TXNDC16: variants seen among roughly 807,000 people sequenced by gnomAD.
The protein encoded by TXNDC16 is thioredoxin domain containing 16, also known as thioredoxin domain-containing protein 16.
Under a neutral mutation model 85.6 loss-of-function variants are expected in TXNDC16, and 74 were observed. That is an observed-to-expected ratio of 0.86 (90% CI 0.72 to 1.05). TXNDC16 has a LOEUF of 1.05. TXNDC16 is among the 50% of genes least tolerant of loss of function. TXNDC16 has a pLI of 0.00. For synonymous variants in TXNDC16, 335 were observed against 326.5 expected (o/e 1.03, Z -0.28); for missense variants, 959 against 947.0 (o/e 1.01, Z -0.17).
chr14:52,490,689 G>T, intron 10 of TXNDC16, 150 bp downstream of exon 10: 1 of 889,754 alleles, frequency 1.1e-6, no homozygotes, highest in Non-Finnish European at 1.7e-6. Flanking sequence ...TTAAATGAAT[G>T]TACAGATTTT....
intron 9 of TXNDC16, among the ~76,000 whole-genome samples, chr14:52,496,462 G>C (rs1481059720): frequency 6.7e-6 from 1 of 148,294 alleles, no homozygotes; most frequent in Non-Finnish European, 1.5e-5. Flanking sequence ...CAGCTGAGTA[G>C]ATTTCTTAGC....
chr14:52,503,891 G>A (rs142280580), intron 9 of TXNDC16, among the ~76,000 whole-genome samples: 2 of 152,166 alleles, frequency 1.3e-5, no homozygotes, highest in African/African-American at 4.8e-5. Context: ...GGACTTGATG[G>A]AGCTGAAAAC....
chr14:52,488,378 C>T lies in TXNDC16; in HGVS notation c.1093G>A (p.Glu365Lys). The T allele has an allele frequency of 1.2e-6, 2 of 1,613,506 alleles. No individual in the cohort carries two copies. The highest frequency in any genetic ancestry group is 1.7e-6 in the Non-Finnish European group (2 of 1,179,700). The change falls in exon 12 of 21, where the codon GAA becomes AAA. Residue 365 changes from glutamate (E) to lysine (K), a missense_variant. Transcript: ENST00000281741. ...EIQEDEDNDM[E>K]GPDIDVQDDE... ...AACACATTACCTATATCTGGACCTT[C>T]CATGTCATTGTCTTCATCTTCTTGT...
At chr14:52,535,982 C>G (rs1219720289) in intron 6 of TXNDC16, among the ~76,000 whole-genome samples, 1 of 151,924 alleles carries the variant, frequency 6.6e-6, no homozygotes, top group East Asian at 1.9e-4. Context: ...CAATATCACG[C>G]CACTGTGCTC....
chr14:52,531,146 G>A (rs1414531183), intron 6 of TXNDC16, among the ~76,000 whole-genome samples: 2 of 152,040 alleles, frequency 1.3e-5, no homozygotes, highest in Non-Finnish European at 1.5e-5. Flanking sequence ...TACCTATTAT[G>A]CTAGCTAAAA....
intron 6 of TXNDC16, among the ~76,000 whole-genome samples, chr14:52,523,827 A>G (rs576048343): frequency 5.4e-4 from 82 of 152,310 alleles, no homozygotes; most frequent in African/African-American, 1.9e-3. Context: ...CCCATTTTTA[A>G]CAACCAAAAA....
chr14:52,489,911 A>G (rs776991994), intron 11 of TXNDC16, among the ~76,000 whole-genome samples: 1 of 152,142 alleles, frequency 6.6e-6, no homozygotes, highest in Non-Finnish European at 1.5e-5. Flanking sequence ...ATCATGGCTC[A>G]CTGCAGCTCA....
intron 16 of TXNDC16, among the ~76,000 whole-genome samples, chr14:52,462,357 C>G (rs951034089): frequency 6.6e-6 from 1 of 152,230 alleles, no homozygotes; most frequent in Non-Finnish European, 1.5e-5. Flanking sequence ...ACTCCATCAT[C>G]CAGACTGAGT....
chr14:52,517,737 T>C (rs575088949), intron 7 of TXNDC16, among the ~76,000 whole-genome samples: 1 of 152,232 alleles, frequency 6.6e-6, no homozygotes, highest in South Asian at 2.1e-4. Flanking sequence ...ATTTCCCCTT[T>C]CCTACCACAT....
rs138720491 is a variant in TXNDC16 at position 52,486,779 on chromosome 14, G to C, written c.1108+1584C>G. 2.2e-3 allele frequency among the ~76,000 whole-genome samples: 338 copies of C among 152,164 alleles called. 2 individuals are homozygous for C. The highest frequency in any genetic ancestry group is 7.9e-3 in the African/African-American group (327 of 41,508). ...TTAAGATGAAAAATAAACAAAAAAG[G>C]CAAAGCTGCAAAAGAAATACTAGAA... On this transcript the variant is annotated intron_variant, in intron 12 of 20. Transcript: ENST00000281741.
intron 14 of TXNDC16, among the ~76,000 whole-genome samples, chr14:52,477,471 G>A (rs1466182143): frequency 1.3e-5 from 2 of 152,108 alleles, no homozygotes; most frequent in Admixed American, 1.3e-4. Context: ...AGGTAAAGGG[G>A]TGGAAAAAGA....
chr14:52,519,421 T>C (rs1195958414), intron 6 of TXNDC16, 128 bp from the exon 7 acceptor site: 2 of 661,416 alleles, frequency 3.0e-6, no homozygotes, highest in Admixed American at 5.9e-5. Flanking sequence ...AGTAATAATG[T>C]AAGCATTTTA....
chr14:52,536,891 T>A, intron 5 of TXNDC16, 98 bp from the exon 6 acceptor site: 1 of 1,010,134 alleles, frequency 9.9e-7, no homozygotes, highest in Non-Finnish European at 1.5e-6. Flanking sequence ...GCTTATAAGG[T>A]CTTTGATGTT....
intron 19 of TXNDC16, 58 bp from the exon 20 acceptor site, chr14:52,439,452 A>G: frequency 1.4e-6 from 2 of 1,452,742 alleles, no homozygotes; most frequent in Non-Finnish European, 1.9e-6. Flanking sequence ...AATAATGAAA[A>G]TAGTAATTCG....
rs1231228241 is a variant in TXNDC16 at position 52,457,089 on chromosome 14, C to T, written c.1703+1G>A. On this transcript the variant is annotated splice_donor_variant, in intron 17 of 20. Transcript: ENST00000281741. LOFTEE classifies it high-confidence loss of function. The stretch of plus-strand genomic sequence containing the variant: ...TAAAATTAAAAGAGCAATAAACTTA[C>T]AGTAGCAAAACATCTTCTTCAGAAT... 2 of 1,564,850 alleles carry T rather than the reference C, an allele frequency of 1.3e-6. No individual in the cohort carries two copies. Among genetic ancestry groups the T allele is most frequent in the East Asian group, 2.3e-5 (1 of 42,888 alleles).
intron 7 of TXNDC16, among the ~76,000 whole-genome samples, chr14:52,518,324 A>G (rs2037132567): frequency 6.6e-6 from 1 of 152,172 alleles, no homozygotes; most frequent in Non-Finnish European, 1.5e-5. Context: ...TCATATCTCT[A>G]TTTGAATGTC....
At chr14:52,490,757 A>G in intron 10 of TXNDC16, 82 bp downstream of exon 10, 1 of 1,444,908 alleles carries the variant, frequency 6.9e-7, no homozygotes, top group Non-Finnish European at 9.5e-7. Context: ...GTTTACTTAT[A>G]AGTGATTAAA....
At chr14:52,454,306 G>T (rs1255078781) in intron 18 of TXNDC16, among the ~76,000 whole-genome samples, 1 of 151,418 alleles carries the variant, frequency 6.6e-6, no homozygotes, top group African/African-American at 2.4e-5. Flanking sequence ...CATGCCTGTA[G>T]TCCTGGCTAC....
chr14:52,540,618 C>T (rs933124909), intron 4 of TXNDC16, among the ~76,000 whole-genome samples: 11 of 151,762 alleles, frequency 7.2e-5, no homozygotes, highest in Admixed American at 5.2e-4. Context: ...GAGCAAGACT[C>T]GGTCTCAAAA....
Sources: allele counts gnomAD v4.1 joint callset (sites outside exome capture counted in the v4.1 genomes callset), GRCh38; gene constraint gnomAD v4.1.1; transcripts MANE v1.5; gene names NCBI Gene and HGNC (gene_info 2026-07-23, HGNC 2026-07-21).